SCLY: variants seen among roughly 807,000 people sequenced by gnomAD.
The protein encoded by SCLY is putative selenocysteine lyase.
Under a neutral mutation model 50.1 loss-of-function variants are expected in SCLY, and 38 were observed. The observed-to-expected ratio is 0.76, with a 90% CI of 0.59 to 0.99. The LOEUF is 0.99. SCLY is among the 50% of genes least tolerant of loss of function. SCLY has a pLI of 0.00. For missense variants in SCLY, 600 were observed against 620.0 expected (o/e 0.97, Z 0.34); for synonymous variants, 243 against 249.4 (o/e 0.97, Z 0.24).
Position 238,079,031 on chromosome 2 carries a change from TTTCC to T in SCLY, c.485-2666_485-2663del, listed in dbSNP as rs1380224307. ...TAGTTAATTTCCTGTCTTTTCTTTCTTTCCTTCCTTCCTTCTTTCTTTCTTTCTT... is the reference window on the plus strand; with the variant it reads ...TAGTTAATTTCCTGTCTTTTCTTTCTTTCCTTCCTTCTTTCTTTCTTTCTT... On this transcript the variant is annotated intron_variant, in intron 4 of 11. Transcript: ENST00000254663. 2.6e-5 allele frequency: 4 copies of T among 151,438 alleles called. No homozygotes were observed. In the East Asian group the frequency reaches 5.8e-4, roughly 22 times the overall value. 9.4% of individuals were successfully genotyped at this position (151,438 alleles called of 1,614,324 possible).
At chr2:238,093,978 G>C in intron 9 of SCLY, 34 bp downstream of exon 9, 1 of 1,585,536 alleles carries the variant, frequency 6.3e-7, no homozygotes, top group Non-Finnish European at 8.6e-7. Context: ...CCAGGAGGGG[G>C]AGGGTGCGTG....
chr2:238,073,870 T>A (rs1445014388), intron 4 of SCLY: 1 of 427,536 alleles, frequency 2.3e-6, no homozygotes, highest in African/African-American at 2.1e-5. Flanking sequence ...TTATTCCTTA[T>A]GATTTTCTTA....
At chr2:238,072,049 G>A (rs2065133423) in intron 4 of SCLY, among the ~76,000 whole-genome samples, 1 of 152,070 alleles carries the variant, frequency 6.6e-6, no homozygotes, top group African/African-American at 2.4e-5. Flanking sequence ...CCAGTTAACT[G>A]TAAATCTTCA....
chr2:238,085,425 G>C (rs1340332131), intron 7 of SCLY, among the ~76,000 whole-genome samples: 2 of 151,838 alleles, frequency 1.3e-5, no homozygotes, highest in Non-Finnish European at 2.9e-5. Context: ...AGAAGAAATA[G>C]AGTGGGTCTT....
At chr2:238,076,624 C>T (rs1418415811) in intron 4 of SCLY, among the ~76,000 whole-genome samples, 1 of 150,992 alleles carries the variant, frequency 6.6e-6, no homozygotes, top group African/African-American at 2.4e-5. Context: ...CCTTTGTTCA[C>T]TTGTTTATCT....
At chr2:238,094,559 C>T in intron 10 of SCLY, 37 bp downstream of exon 10, 2 of 1,516,584 alleles carry the variant, frequency 1.3e-6, no homozygotes, top group Non-Finnish European at 1.8e-6. Flanking sequence ...CGAGTGTGAG[C>T]ACAGCTCCCT....
rs1296417734 is a variant in SCLY, at chr2:238,098,100, G to A, written c.1185-102G>A. On this transcript the variant is annotated intron_variant, in intron 11 of 11. Transcript: ENST00000254663. ...TGCCAGGCGAGGCAGGCGCACATCC[G>A]GGTGGGCAGAGCCCCACTAGGGGAG... is the stretch of plus-strand genomic sequence containing the variant. 19 of 1,384,106 alleles carry A rather than the reference G, an allele frequency of 1.4e-5. 1 individual carries two copies. In the South Asian group the frequency reaches 1.7e-4, roughly 12 times the overall value. 85.7% of individuals were successfully genotyped at this position (1,384,106 alleles called of 1,614,324 possible). A position where few individuals can be genotyped will look rare whatever the true frequency, so the allele number is the denominator to read the frequency against.
intron 9 of SCLY, 132 bp from the exon 10 acceptor site, chr2:238,094,288 T>C: frequency 1.3e-6 from 1 of 772,098 alleles, no homozygotes; most frequent in Non-Finnish European, 2.2e-6. Flanking sequence ...TCCCCGTAAC[T>C]ATTCTGGGTA....
intron 8 of SCLY, chr2:238,093,205 GGGTC>G: frequency 6.5e-6 from 1 of 153,654 alleles, no homozygotes; most frequent in Admixed American, 6.4e-5. Context: ...CCTAGACCAA[GGGTC>G]TGGATGCCTG....
intron 7 of SCLY, among the ~76,000 whole-genome samples, chr2:238,085,506 C>T (rs147448188): frequency 0.021 from 3,186 of 151,156 alleles, 53 homozygotes; most frequent in Middle Eastern, 0.031. Context: ...ATCACAAGGT[C>T]AGGAGATCGA....
rs964869586 is a variant in SCLY at position 238,069,997 on chromosome 2, C to G, written c.484+520C>G. ...CGAGCTGCCGCACCTGATCTCAGCA[C>G]CCATGACGCGAGGCCTCCTGCTATG... is the stretch of plus-strand genomic sequence containing the variant. On this transcript the variant is annotated intron_variant, in intron 4 of 11. Coordinates refer to ENST00000254663, the MANE Select transcript of SCLY (RefSeq NM_016510.7). This position sits in a 1 kb window ranked among gnomAD's most constrained non-coding sequence, Gnocchi z 5.0. 6.6e-6 allele frequency among the ~76,000 whole-genome samples: 1 copy of G among 152,214 alleles called. No individual in the cohort carries two copies. Among genetic ancestry groups the G allele is most frequent in the Non-Finnish European group, 1.5e-5 (1 of 68,042 alleles).
At position 238,096,890 on chromosome 2, in the gene SCLY, A is replaced by G. The variant is rs376272645; in HGVS notation, c.1184+14A>G. The G allele has an allele frequency of 4.1e-5, 66 of 1,602,380 alleles. No homozygotes were observed. In the African/African-American group the frequency reaches 8.7e-4, roughly 21 times the overall value. ...CCACGGGGACCAGTAAGTGCTCTTC[A>G]CAAACCCAGTCCAGGGCATAGGGGT... On this transcript the variant is annotated intron_variant, in intron 11 of 11. Transcript: ENST00000254663.
rs970603554 is a variant in SCLY, at chr2:238,083,820, C to A, written c.884+466C>A. Among the ~76,000 whole-genome samples, 1 of 152,114 alleles carries A rather than the reference C, an allele frequency of 6.6e-6. No individual in the cohort carries two copies. Among genetic ancestry groups the A allele is most frequent in the Non-Finnish European group, 1.5e-5 (1 of 68,028 alleles). ...ACACCTTTTGTTAGAAACTACTTAA[C>A]AAGAGAGAGAAACAGGAACAGCATG... is the stretch of plus-strand genomic sequence containing the variant. On this transcript the variant is annotated intron_variant, in intron 7 of 11. Transcript: ENST00000254663. This position sits in a 1 kb window ranked among gnomAD's most constrained non-coding sequence, Gnocchi z 4.3.
At chr2:238,061,471 A>G in intron 1 of SCLY, 1 of 429,156 alleles carries the variant, frequency 2.3e-6, no homozygotes, top group South Asian at 2.0e-5. Flanking sequence ...CCGGAGGTGA[A>G]CCGGCAGAGC....
At position 238,082,139 on chromosome 2, in the gene SCLY, A is replaced by G. The variant is rs992409129; in HGVS notation, c.707A>G (p.Gln236Arg). ...ATCCTCGTGCACACGGATGCTGCAC[A>G]GGCCTTGGGGAAGCAGCGCGTGGAT... is the stretch of plus-strand genomic sequence containing the variant. ...PPILVHTDAA[Q>R]ALGKQRVDVE... The change falls in exon 6 of 12, where the codon CAG becomes CGG. Residue 236 changes from glutamine to arginine, a missense_variant. Physicochemically the swap from Gln to Arg is conservative, Grantham distance 43. Coordinates refer to ENST00000254663, the MANE Select transcript of SCLY (RefSeq NM_016510.7). 2 of 1,612,976 alleles carry G rather than the reference A, an allele frequency of 1.2e-6. No homozygotes were observed. Among genetic ancestry groups the G allele is most frequent in the Non-Finnish European group, 1.7e-6 (2 of 1,180,000 alleles).
At chr2:238,095,236 A>G (rs1454495960) in intron 10 of SCLY, among the ~76,000 whole-genome samples, 2 of 152,168 alleles carry the variant, frequency 1.3e-5, no homozygotes, top group Admixed American at 1.3e-4. Context: ...CTGGCAGAGT[A>G]AGGATCAAGT....
At chr2:238,096,081 TATTTTAAGTAGACACG>T (rs1348406625) in intron 10 of SCLY, 1 of 153,272 alleles carries the variant, frequency 6.5e-6, no homozygotes, top group Non-Finnish European at 1.5e-5. Flanking sequence ...CTAATTTTTG[TATTTTAAGTAGACACG>T]GGGTGTTGCC....
Position 238,099,155 on chromosome 2 carries a change from G to C in SCLY, c.*800G>C, listed in dbSNP as rs1691384158. 2.3e-6 allele frequency: 1 copy of C among 436,754 alleles called. No individual in the cohort carries two copies. The highest frequency in any genetic ancestry group is 2.7e-5 in the Admixed American group (1 of 37,058). The allele number at this position is 436,754 out of a possible 1,614,324, so 27.1% of individuals were successfully genotyped here. A position where few individuals can be genotyped will look rare whatever the true frequency, so the allele number is the denominator to read the frequency against. ...TTTCAGCTCCAACCTCGCTGAGTTG[G>C]TGCAGCTCCAGGTCATTCCTGGGGT... On this transcript the variant is annotated 3_prime_UTR_variant, in exon 12 of 12. Coordinates refer to ENST00000254663, the MANE Select transcript of SCLY (RefSeq NM_016510.7).
chr2:238,070,754 A>T (rs2065119862), intron 4 of SCLY, among the ~76,000 whole-genome samples: 1 of 152,082 alleles, frequency 6.6e-6, no homozygotes, highest in African/African-American at 2.4e-5. Flanking sequence ...CACATGAAGG[A>T]TTTAGATCCC....
Sources: allele counts gnomAD v4.1 joint callset (sites outside exome capture counted in the v4.1 genomes callset), GRCh38; gene constraint gnomAD v4.1.1; non-coding constraint Gnocchi (gnomAD v3.1); transcripts MANE v1.5; gene names NCBI Gene and HGNC (gene_info 2026-07-23, HGNC 2026-07-21).